The following TRIOBP variants were observed in gnomAD, a reference collection of about 807,000 sequenced individuals.
TRIOBP encodes TRIO and F-actin binding protein, also known as TRIO and F-actin-binding protein.
TRIOBP carries 169 observed loss-of-function variants against 238.8 expected under a neutral mutation model. The ratio of observed to expected loss-of-function variants is 0.71; its 90% CI spans 0.62 to 0.80. The LOEUF is 0.80. Ranked by LOEUF, TRIOBP falls within the 30% of genes least tolerant of loss-of-function variation. The pLI is 0.00. For synonymous variants in TRIOBP, 1,150 were observed against 1,274.4 expected (o/e 0.90, Z 2.08); for missense variants, 2,838 against 3,122.6 (o/e 0.91, Z 2.17).
At chr22:37,757,246 C>T (rs1436898317) in intron 15 of TRIOBP, among the ~76,000 whole-genome samples, 1 of 152,076 alleles carries the variant, frequency 6.6e-6, no homozygotes, top group Non-Finnish European at 1.5e-5. Flanking sequence ...GTCTGTAGTC[C>T]CAGCTACTCC....
intron 12 of TRIOBP, among the ~76,000 whole-genome samples, chr22:37,753,329 C>T (rs543090994): frequency 3.3e-5 from 5 of 151,832 alleles, no homozygotes; most frequent in Non-Finnish European, 7.4e-5. Context: ...GGCTGGAGTG[C>T]AGTGGCGCAA....
chr22:37,771,399 G>T (rs1361801661), intron 21 of TRIOBP, among the ~76,000 whole-genome samples: 3 of 152,140 alleles, frequency 2.0e-5, no homozygotes, highest in Admixed American at 2.0e-4. Context: ...TGCTGCATGA[G>T]GGCTGCAGCA....
At chr22:37,701,500 G>C in intron 3 of TRIOBP, 21 bp downstream of exon 3, 2 of 1,578,700 alleles carry the variant, frequency 1.3e-6, no homozygotes, top group Non-Finnish European at 1.7e-6. Context: ...TTTCCACGTG[G>C]TTGGGGTGGT....
At chr22:37,736,096 C>CA (rs1924655393) in intron 9 of TRIOBP, among the ~76,000 whole-genome samples, 1 of 152,208 alleles carries the variant, frequency 6.6e-6, no homozygotes, top group Non-Finnish European at 1.5e-5. Flanking sequence ...GGGTCGTGTG[C>CA]AAAGTGGGCC....
At chr22:37,749,609 G>A (rs73883909) in intron 11 of TRIOBP, among the ~76,000 whole-genome samples, 2,326 of 152,006 alleles carry the variant, frequency 0.015, 72 homozygotes, top group African/African-American at 0.053. Context: ...TTAGATGATC[G>A]GACCTTTTGA....
chr22:37,728,264 A>AAC (rs1376469090), intron 7 of TRIOBP, among the ~76,000 whole-genome samples: 1 of 146,630 alleles, frequency 6.8e-6, no homozygotes, highest in African/African-American at 2.5e-5. Context: ...TCCGTCTCAA[A>AAC]AAAAAAAAAA....
At chr22:37,746,239 T>C (rs895594459) in intron 11 of TRIOBP, 2 of 1,071,298 alleles carry the variant, frequency 1.9e-6, no homozygotes, top group Non-Finnish European at 2.2e-6. Flanking sequence ...AAAAGTTTTA[T>C]GGGCGGATGG....
intron 14 of TRIOBP, 156 bp downstream of exon 14, chr22:37,755,346 C>A: frequency 1.1e-6 from 1 of 932,728 alleles, no homozygotes; most frequent in Non-Finnish European, 1.7e-6. Context: ...GTGATGCCAA[C>A]ACTTAGCATA....
At chr22:37,741,336 G>A (rs1368590738) in intron 11 of TRIOBP, among the ~76,000 whole-genome samples, 3 of 152,192 alleles carry the variant, frequency 2.0e-5, no homozygotes, top group Non-Finnish European at 2.9e-5. Context: ...CTGGGCCAAC[G>A]GGGAGCCAGG....
At chr22:37,757,095 T>C (rs1159998781) in intron 15 of TRIOBP, among the ~76,000 whole-genome samples, 2 of 152,138 alleles carry the variant, frequency 1.3e-5, no homozygotes, top group Non-Finnish European at 2.9e-5. Context: ...AGTGTGGTGG[T>C]TCACGCCTGT....
At chr22:37,716,738 G>A (rs919822032) in intron 6 of TRIOBP, among the ~76,000 whole-genome samples, 12 of 152,208 alleles carry the variant, frequency 7.9e-5, no homozygotes, top group Admixed American at 1.3e-4. Flanking sequence ...GGGAGCCACC[G>A]AAGGTTTTTG....
intron 7 of TRIOBP, among the ~76,000 whole-genome samples, chr22:37,733,034 C>T (rs911590752): frequency 2.0e-5 from 3 of 152,250 alleles, no homozygotes; most frequent in African/African-American, 7.2e-5. Flanking sequence ...CCAGATCCCC[C>T]TCCCCACCCA....
chr22:37,755,867 G>A (rs1925892845), intron 15 of TRIOBP, among the ~76,000 whole-genome samples: 1 of 152,178 alleles, frequency 6.6e-6, no homozygotes, highest in African/African-American at 2.4e-5. Context: ...ATGTGATGGG[G>A]CCTCTTCTCT....
Position 37,724,822 on chromosome 22 carries a change from G to A in TRIOBP, c.2266G>A (p.Ala756Thr), listed in dbSNP as rs369115746. 225 of 1,612,926 alleles carry A rather than the reference G, an allele frequency of 1.4e-4. No homozygotes were observed. Among genetic ancestry groups the A allele is most frequent in the Non-Finnish European group, 1.8e-4 (215 of 1,179,768 alleles). Residue 756 changes from alanine to threonine, a missense_variant, in exon 7 of 24, where the codon GCC becomes ACC. Physicochemically the swap from Ala to Thr is moderately conservative, Grantham distance 58. This residue lies in a region of TRIOBP where 167 missense variants were observed against 200.2 expected (regional missense o/e 0.83). Transcript: ENST00000644935. ...TSCAQRDNPR[A>T]SSPNRTIQQE... ...CTGTGCCCAGCGGGACAATCCCAGA[G>A]CCTCCTCTCCTAACAGAACCATCCA...
chr22:37,716,515 C>T (rs781536117), intron 6 of TRIOBP, among the ~76,000 whole-genome samples: 32 of 151,952 alleles, frequency 2.1e-4, no homozygotes, highest in Admixed American at 2.6e-4. Context: ...CTGCAACCTC[C>T]GCCTCCTGGG....
intron 12 of TRIOBP, among the ~76,000 whole-genome samples, chr22:37,752,886 A>C (rs1601654738): frequency 1.3e-5 from 2 of 152,324 alleles, no homozygotes; most frequent in South Asian, 4.1e-4. Flanking sequence ...CACAGACAGG[A>C]GACGGGCCCA....
At chr22:37,710,295 C>T (rs867174630) in intron 3 of TRIOBP, 132 bp from the exon 4 acceptor site, 1 of 1,371,594 alleles carries the variant, frequency 7.3e-7, no homozygotes, top group East Asian at 2.5e-5. Context: ...GCCTGATGGG[C>T]AGCTCCTTGA....
intron 16 of TRIOBP, among the ~76,000 whole-genome samples, chr22:37,758,485 T>G (rs1418542451): frequency 2.0e-5 from 3 of 152,062 alleles, no homozygotes; most frequent in Non-Finnish European, 4.4e-5. Flanking sequence ...GACCAGTCTG[T>G]GCGACATGGC....
intron 21 of TRIOBP, among the ~76,000 whole-genome samples, chr22:37,770,463 A>AG (rs1284096037): frequency 6.7e-6 from 1 of 148,598 alleles, no homozygotes; most frequent in Admixed American, 6.7e-5. Flanking sequence ...AAAAAAAAAA[A>AG]TATTAAAAAA....
Sources: allele counts gnomAD v4.1 joint callset (sites outside exome capture counted in the v4.1 genomes callset), GRCh38; gene constraint gnomAD v4.1.1; regional missense constraint gnomAD v4.1.1; transcripts MANE v1.5; gene names NCBI Gene and HGNC (gene_info 2026-07-23, HGNC 2026-07-21).